The following OPCML variants were observed in gnomAD, a reference collection of about 807,000 sequenced individuals.
The protein encoded by OPCML is opioid binding protein/cell adhesion molecule like, also known as opioid-binding protein/cell adhesion molecule.
In OPCML, 13 loss-of-function variants were observed where a neutral mutation model predicts 37.8. That is an observed-to-expected ratio of 0.34 (90% CI 0.22 to 0.55). The LOEUF (loss-of-function observed/expected upper bound fraction) is 0.55, where lower values mean the gene tolerates loss of function less well. OPCML is among the 20% of genes least tolerant of loss of function. The pLI is 0.91. For missense variants in OPCML, 341 were observed against 435.6 expected (o/e 0.78, Z 1.93); for synonymous variants, 176 against 168.8 (o/e 1.04, Z -0.33).
intron 1 of OPCML, among the ~76,000 whole-genome samples, chr11:133,440,573 A>G (rs1946341844): frequency 6.6e-6 from 1 of 150,718 alleles, no homozygotes; most frequent in African/African-American, 2.4e-5. Flanking sequence ...CTAAAAATGC[A>G]AAAATTAGCT....
At chr11:132,534,217 A>T (rs1305228182) in intron 3 of OPCML, among the ~76,000 whole-genome samples, 1 of 152,030 alleles carries the variant, frequency 6.6e-6, no homozygotes, top group South Asian at 2.1e-4. Flanking sequence ...CCCACCCTCA[A>T]TAACTACTTC....
At chr11:132,864,984 G>C (rs1246280079) in intron 2 of OPCML, among the ~76,000 whole-genome samples, 1 of 152,260 alleles carries the variant, frequency 6.6e-6, no homozygotes, top group African/African-American at 2.4e-5. Context: ...GCCCCTGGCT[G>C]CCACAGAGGG....
At chr11:132,744,839 C>T (rs913956570) in intron 2 of OPCML, among the ~76,000 whole-genome samples, 37 of 152,216 alleles carry the variant, frequency 2.4e-4, no homozygotes, top group African/African-American at 8.4e-4. Context: ...TAAATACTCT[C>T]TAGAGGCCAC....
At chr11:132,794,597 A>G (rs1337571817) in intron 2 of OPCML, among the ~76,000 whole-genome samples, 2 of 152,054 alleles carry the variant, frequency 1.3e-5, no homozygotes, top group Admixed American at 6.6e-5. Flanking sequence ...CCCCGAATCC[A>G]TCTTGCTCTG....
intron 2 of OPCML, among the ~76,000 whole-genome samples, chr11:132,904,143 A>C (rs777013906): frequency 5.2e-4 from 79 of 152,224 alleles, no homozygotes; most frequent in Non-Finnish European, 1.0e-3. Flanking sequence ...ACTCACACTC[A>C]GCTGGAAAAA....
At chr11:132,646,542 A>G (rs542498039) in intron 3 of OPCML, among the ~76,000 whole-genome samples, 5 of 152,304 alleles carry the variant, frequency 3.3e-5, no homozygotes, top group Admixed American at 3.3e-4. Context: ...TTAGGTATCA[A>G]TTAGGATGTG....
At chr11:133,239,956 A>T (rs1421692241) in intron 1 of OPCML, among the ~76,000 whole-genome samples, 1 of 152,168 alleles carries the variant, frequency 6.6e-6, no homozygotes, top group African/African-American at 2.4e-5. Flanking sequence ...TTACTTAATT[A>T]TGGAGAAGAA....
chr11:132,696,480 T>C (rs1445900896), intron 2 of OPCML, among the ~76,000 whole-genome samples: 24 of 152,140 alleles, frequency 1.6e-4, no homozygotes, highest in Admixed American at 1.6e-3. Flanking sequence ...TTGGTATTCT[T>C]AGAGATTTAA....
Position 132,984,559 on chromosome 11 carries a change from T to A in OPCML, c.62-41549A>T, listed in dbSNP as rs977101174. ...TAAAAGGAAAACAGGGCTTAAAATGTTAACTAGTCCAAGCTGCCTGGCAGC... is the reference window on the plus strand; with the variant it reads ...TAAAAGGAAAACAGGGCTTAAAATGATAACTAGTCCAAGCTGCCTGGCAGC... On this transcript the variant is annotated intron_variant, in intron 1 of 7. Coordinates refer to ENST00000524381, the MANE Select transcript of OPCML (RefSeq NM_001012393.5). Among the ~76,000 whole-genome samples the A allele has an allele frequency of 2.0e-5, 3 of 152,206 alleles. No individual in the cohort carries two copies. In the East Asian group the frequency reaches 5.8e-4, roughly 29 times the overall value.
At chr11:132,664,633 G>A (rs1942144151) in intron 2 of OPCML, among the ~76,000 whole-genome samples, 1 of 152,238 alleles carries the variant, frequency 6.6e-6, no homozygotes, top group African/African-American at 2.4e-5. Flanking sequence ...AAGAAGAACA[G>A]GCAAGCCAAA....
chr11:132,777,622 A>G (rs1946850817), intron 2 of OPCML, among the ~76,000 whole-genome samples: 1 of 152,212 alleles, frequency 6.6e-6, no homozygotes, highest in African/African-American at 2.4e-5. Context: ...TAATAATAGG[A>G]TCACACAGCT....
At chr11:132,534,536 T>C (rs2096335113) in intron 3 of OPCML, among the ~76,000 whole-genome samples, 1 of 152,184 alleles carries the variant, frequency 6.6e-6, no homozygotes, top group South Asian at 2.1e-4. Context: ...AGATGAAACA[T>C]GTCTTTCTGT....
chr11:133,396,514 C>G (rs1414872828), intron 1 of OPCML, among the ~76,000 whole-genome samples: 1 of 152,126 alleles, frequency 6.6e-6, no homozygotes, highest in Non-Finnish European at 1.5e-5. Flanking sequence ...GGCTCTCAAT[C>G]TCTTAGGATT....
intron 2 of OPCML, among the ~76,000 whole-genome samples, chr11:132,784,209 T>G (rs1290053885): frequency 6.6e-6 from 1 of 152,180 alleles, no homozygotes; most frequent in East Asian, 1.9e-4. Context: ...CTACCTCTAC[T>G]GACAACACTA....
At chr11:133,529,114 C>G (rs1215592253) in intron 1 of OPCML, among the ~76,000 whole-genome samples, 1 of 149,894 alleles carries the variant, frequency 6.7e-6, no homozygotes, top group African/African-American at 2.5e-5. Flanking sequence ...GGTTTTGACT[C>G]AAATACTCAA....
At chr11:133,362,521 T>A (rs1420637499) in intron 1 of OPCML, among the ~76,000 whole-genome samples, 2 of 152,192 alleles carry the variant, frequency 1.3e-5, no homozygotes, top group Non-Finnish European at 2.9e-5. Flanking sequence ...AGAGGATTAT[T>A]CACTTGGAAA....
At chr11:133,123,003 G>C (rs746721421) in intron 1 of OPCML, among the ~76,000 whole-genome samples, 2 of 152,180 alleles carry the variant, frequency 1.3e-5, no homozygotes, top group Non-Finnish European at 2.9e-5. Context: ...AATTCTCTCA[G>C]AGCCTTCTGA....
rs76587610 is a variant in OPCML, at chr11:133,380,780, G to A, written c.61+151484C>T. 1.0e-3 allele frequency among the ~76,000 whole-genome samples: 156 copies of A among 152,162 alleles called. 2 individuals are homozygous for A. The East Asian group carries it at 0.029, about 28-fold the overall frequency. On this transcript the variant is annotated intron_variant, in intron 1 of 7. Transcript: ENST00000524381. ...CATTCATATATTTAGTGTCTCCCCTGGTTCTTGCTATTCCTGATCTTGTAG... is the reference window on the plus strand; with the variant it reads ...CATTCATATATTTAGTGTCTCCCCTAGTTCTTGCTATTCCTGATCTTGTAG...
At position 132,496,509 on chromosome 11, in the gene OPCML, G is replaced by A. The variant is rs188936888; in HGVS notation, c.505+32552C>T. 6.4e-4 allele frequency among the ~76,000 whole-genome samples: 98 copies of A among 152,344 alleles called. 2 individuals carry two copies. The East Asian group carries it at 0.014, about 21-fold the overall frequency. The stretch of plus-strand genomic sequence containing the variant: ...TCTTGTCCTCTTGAGCTATGGGAAA[G>A]CAAGATAAGACACAGCAGGTTGGCC... On this transcript the variant is annotated intron_variant, in intron 4 of 7. Coordinates refer to ENST00000524381, the MANE Select transcript of OPCML (RefSeq NM_001012393.5).
Sources: allele counts gnomAD v4.1 joint callset (sites outside exome capture counted in the v4.1 genomes callset), GRCh38; gene constraint gnomAD v4.1.1; transcripts MANE v1.5; gene names NCBI Gene and HGNC (gene_info 2026-07-23, HGNC 2026-07-21).